Variants in FKBP14 observed in about 807,000 individuals in gnomAD.
FKBP14 encodes FKBP prolyl isomerase 14.
In FKBP14, 20 loss-of-function variants were observed where a neutral mutation model predicts 21.6. That is an observed-to-expected ratio of 0.92 (90% CI 0.65 to 1.34). The LOEUF (loss-of-function observed/expected upper bound fraction) is 1.34. Among genes scored for constraint, FKBP14 ranks in the 40% most tolerant of loss-of-function variants. FKBP14 has a pLI of 0.00. For missense variants in FKBP14, 253 were observed against 249.0 expected, an observed-to-expected ratio of 1.02 and a Z score of -0.11; for synonymous variants, 79 against 86.7, an observed-to-expected ratio of 0.91 and a Z score of 0.49.
rs1790195373 is a variant in FKBP14, at chr7:30,026,701, G to T, written c.-193C>A. ...CACGAACCTACCTTTAAAGAGTTAA[G>T]CCCAAATGCCGGCCTGACTGGCTCT... On this transcript the variant is annotated 5_prime_UTR_variant, in exon 1 of 4. Coordinates refer to ENST00000222803, the MANE Select transcript of FKBP14 (RefSeq NM_017946.4). The T allele has an allele frequency of 2.0e-6, 1 of 502,196 alleles. No homozygotes were observed. Among genetic ancestry groups the T allele is most frequent in the Non-Finnish European group, 3.5e-6 (1 of 286,690 alleles). The allele number at this position is 502,196 out of a possible 1,614,324, so 31.1% of individuals were successfully genotyped here.
chr7:30,020,914 G>A (rs1306148296), intron 2 of FKBP14, among the ~76,000 whole-genome samples: 1 of 152,160 alleles, frequency 6.6e-6, no homozygotes, highest in East Asian at 1.9e-4. Flanking sequence ...CTATGAACAA[G>A]ATTTGTATAG....
chr7:30,024,278 A>C (rs1249721610), intron 1 of FKBP14, among the ~76,000 whole-genome samples: 3 of 152,238 alleles, frequency 2.0e-5, no homozygotes, highest in African/African-American at 7.2e-5. Context: ...AAAAAGAAGC[A>C]GGAAACATTC....
In FKBP14 at chr7:30,019,016, A is replaced by G; in HGVS notation, c.457T>C (p.Trp153Arg). The stretch of plus-strand genomic sequence containing the variant: ...GTCACCTCATCTTTAGAGAGTTTCC[A>G]GTCATCATTAAGATCCATTTCTTGG... ...SFQEMDLNDD[W>R]KLSKDEVKAY... is the part of the protein sequence containing the mutation. Residue 153 changes from tryptophan to arginine, a missense_variant, in exon 3 of 4, where the codon TGG (tryptophan) becomes CGG (arginine). Physicochemically the swap from Trp to Arg is moderately radical, Grantham distance 101. Transcript: ENST00000222803. 1.9e-6 allele frequency: 3 copies of G among 1,609,532 alleles called. No homozygotes were observed. Among genetic ancestry groups the G allele is most frequent in the Non-Finnish European group, 2.5e-6 (3 of 1,178,616 alleles).
intron 2 of FKBP14, 92 bp downstream of exon 2, chr7:30,022,572 GA>G (rs202102883): frequency 3.0e-3 from 3,589 of 1,182,892 alleles, no homozygotes; most frequent in South Asian, 4.9e-3. Flanking sequence ...ACTTCCAGGG[GA>G]AAAAAAAAAG....
chr7:30,022,822 A>C lies in FKBP14; in HGVS notation c.198-6T>G. 1 of 1,610,290 alleles carries C rather than the reference A, an allele frequency of 6.2e-7. No individual in the cohort carries two copies. Among genetic ancestry groups the C allele is most frequent in the Middle Eastern group, 1.7e-4 (1 of 6,054 alleles). ...GACCATTGTTATGTTTGTGACTATG[A>C]TAGAAATAAAACACATTAGAACTCC... On this transcript the variant is annotated splice_polypyrimidine_tract_variant and splice_region_variant and intron_variant, in intron 1 of 3. Coordinates refer to ENST00000222803, the MANE Select transcript of FKBP14 (RefSeq NM_017946.4).
At chr7:30,024,755 G>T (rs553067955) in intron 1 of FKBP14, among the ~76,000 whole-genome samples, 1 of 152,306 alleles carries the variant, frequency 6.6e-6, no homozygotes, top group African/African-American at 2.4e-5. Flanking sequence ...TTTACATGGA[G>T]GCTGCATGAT....
chr7:30,018,981 A>G lies in FKBP14; in HGVS notation c.477+15T>C. 1.2e-6 allele frequency: 2 copies of G among 1,606,022 alleles called. No individual in the cohort carries two copies. Among genetic ancestry groups the G allele is most frequent in the Non-Finnish European group, 8.5e-7 (1 of 1,177,626 alleles). ...AAGAAAAGTAGAAAGAGGAGTAGGA[A>G]GAAGGAAAGGTCACCTCATCTTTAG... On this transcript the variant is annotated intron_variant, in intron 3 of 3. Transcript: ENST00000222803.
intron 1 of FKBP14, among the ~76,000 whole-genome samples, chr7:30,023,897 T>C (rs1452575003): frequency 6.6e-6 from 1 of 152,182 alleles, no homozygotes; most frequent in African/African-American, 2.4e-5. Flanking sequence ...GTGGGGATTA[T>C]GGTAGCTACA....
rs1406445145 is a variant in FKBP14, at chr7:30,013,652, T to G, written c.*1083A>C. 1.3e-5 allele frequency: 2 copies of G among 152,210 alleles called. No individual in the cohort carries two copies. Among genetic ancestry groups the G allele is most frequent in the African/African-American group, 4.8e-5 (2 of 41,450 alleles). The allele number at this position is 152,210 out of a possible 1,614,324, so 9.4% of individuals were successfully genotyped here. On this transcript the variant is annotated 3_prime_UTR_variant, in exon 4 of 4. Coordinates refer to ENST00000222803, the MANE Select transcript of FKBP14 (RefSeq NM_017946.4). ...AGTATAATATACTATAGACTACCCATTAAAGAACCAGGAAGGATATTCCGC... is the reference window on the plus strand; with the variant it reads ...AGTATAATATACTATAGACTACCCAGTAAAGAACCAGGAAGGATATTCCGC...
Position 30,012,658 on chromosome 7 carries a change from ATATG to A in FKBP14, c.*2073_*2076del, listed in dbSNP as rs1260755592. ...CTTTTTAAACAACAAATGGGGGTAAATATGAATGAAAGAAGTAAAACACATCTGG... is the reference window on the plus strand; with the variant it reads ...CTTTTTAAACAACAAATGGGGGTAAAAATGAAAGAAGTAAAACACATCTGG... On this transcript the variant is annotated 3_prime_UTR_variant, in exon 4 of 4. Coordinates refer to ENST00000222803, the MANE Select transcript of FKBP14 (RefSeq NM_017946.4). 1.3e-5 allele frequency: 2 copies of A among 152,240 alleles called. No homozygotes were observed. Among genetic ancestry groups the A allele is most frequent in the African/African-American group, 4.8e-5 (2 of 41,472 alleles). The allele number at this position is 152,240 out of a possible 1,614,324, so 9.4% of individuals were successfully genotyped here. A position where few individuals can be genotyped will look rare whatever the true frequency, so the allele number is the denominator to read the frequency against.
chr7:30,020,450 C>T (rs1363878869), intron 2 of FKBP14: 13 of 323,546 alleles, frequency 4.0e-5, no homozygotes, highest in East Asian at 1.0e-4. Flanking sequence ...ACTAATACAA[C>T]GTACAGTAGT....
At position 30,013,637 on chromosome 7, in the gene FKBP14, AC is replaced by A. The variant is rs1182096752; in HGVS notation, c.*1097del. On this transcript the variant is annotated 3_prime_UTR_variant, in exon 4 of 4. Coordinates refer to ENST00000222803, the MANE Select transcript of FKBP14 (RefSeq NM_017946.4). ...ATACAATGTTATTGTAGTATAATATACTATAGACTACCCATTAAAGAACCAG... is the reference window on the plus strand; with the variant it reads ...ATACAATGTTATTGTAGTATAATATATATAGACTACCCATTAAAGAACCAG... The A allele has an allele frequency of 6.6e-5, 10 of 152,216 alleles. No individual in the cohort carries two copies. Among genetic ancestry groups the A allele is most frequent in the African/African-American group, 2.4e-4 (10 of 41,458 alleles). The allele number at this position is 152,216 out of a possible 1,614,324, so 9.4% of individuals were successfully genotyped here. A position where few individuals can be genotyped will look rare whatever the true frequency, so the allele number is the denominator to read the frequency against.
intron 2 of FKBP14, among the ~76,000 whole-genome samples, chr7:30,020,860 A>T (rs1790013064): frequency 6.6e-6 from 1 of 152,224 alleles, no homozygotes; most frequent in South Asian, 2.1e-4. Context: ...TCTAAAGAGG[A>T]TTATGACTAA....
chr7:30,019,875 C>T (rs189092469), intron 2 of FKBP14, among the ~76,000 whole-genome samples: 144 of 152,116 alleles, frequency 9.5e-4, no homozygotes, highest in African/African-American at 3.5e-3. Flanking sequence ...AACACTACCT[C>T]TGATATAGAA....
chr7:30,023,372 C>T (rs757025606), intron 1 of FKBP14, among the ~76,000 whole-genome samples: 2 of 152,188 alleles, frequency 1.3e-5, no homozygotes, highest in African/African-American at 2.4e-5. Context: ...TATGTGGGTC[C>T]ATATGCACAC....
At chr7:30,016,036 C>T (rs1004140752) in intron 3 of FKBP14, among the ~76,000 whole-genome samples, 9 of 152,038 alleles carry the variant, frequency 5.9e-5, no homozygotes, top group Admixed American at 1.3e-4. Flanking sequence ...CAGCCTCACA[C>T]GTACCTGGGA....
rs1291023831 is a variant in FKBP14 at position 30,010,881 on chromosome 7, TAA to T, written c.*3852_*3853del. The T allele has an allele frequency of 6.6e-6, 1 of 152,186 alleles. No individual in the cohort carries two copies. Among genetic ancestry groups the T allele is most frequent in the Non-Finnish European group, 1.5e-5 (1 of 68,044 alleles). The allele number at this position is 152,186 out of a possible 1,614,324, so 9.4% of individuals were successfully genotyped here. On this transcript the variant is annotated 3_prime_UTR_variant, in exon 4 of 4. Coordinates refer to ENST00000222803, the MANE Select transcript of FKBP14 (RefSeq NM_017946.4). ...AAATTTAAATAGATAAAAGCTTATA[TAA>T]TAAGGATATAAGGAAAATATTTTTG...
At position 30,012,696 on chromosome 7, in the gene FKBP14, G is replaced by A. The variant is rs532645721; in HGVS notation, c.*2039C>T. On this transcript the variant is annotated 3_prime_UTR_variant, in exon 4 of 4. Coordinates refer to ENST00000222803, the MANE Select transcript of FKBP14 (RefSeq NM_017946.4). ...AAGTAAAACACATCTGGAACCTCGC[G>A]TTGTTCAGGGTTTTTGAGGCAATTC... The A allele has an allele frequency of 5.3e-5, 8 of 152,318 alleles. No individual in the cohort carries two copies. The highest frequency in any genetic ancestry group is 1.9e-4 in the East Asian group (1 of 5,192). 9.4% of individuals were successfully genotyped at this position (152,318 alleles called of 1,614,324 possible). A position where few individuals can be genotyped will look rare whatever the true frequency, so the allele number is the denominator to read the frequency against.
chr7:30,018,414 G>T (rs1334023080), intron 3 of FKBP14, among the ~76,000 whole-genome samples: 1 of 152,208 alleles, frequency 6.6e-6, no homozygotes, highest in Non-Finnish European at 1.5e-5. Flanking sequence ...ATAAGGAGAA[G>T]CCTCTTCTTC....
Sources: gnomAD v4.1 joint callset for allele counts (sites outside exome capture counted in the v4.1 genomes callset) on GRCh38, gnomAD v4.1.1 for gene constraint, MANE v1.5 for transcripts, NCBI Gene and HGNC (gene_info 2026-07-23, HGNC 2026-07-21) for gene names.